The following SCN10A variants were observed in gnomAD, a reference collection of about 807,000 sequenced individuals.
SCN10A encodes the protein sodium channel protein type 10 subunit alpha.
A neutral mutation model predicts 170.7 loss-of-function variants in SCN10A; 162 were observed. The observed-to-expected ratio is 0.95, with a 90% CI of 0.84 to 1.08. The LOEUF (loss-of-function observed/expected upper bound fraction) is 1.08. SCN10A is among the 50% of genes least tolerant of loss of function. The pLI, the probability that SCN10A is intolerant of heterozygous loss-of-function variation, is 0.00. For missense variants in SCN10A, 2,527 were observed against 2,436.9 expected (o/e 1.04, Z -0.78); for synonymous variants, 985 against 904.6 (o/e 1.09, Z -1.59).
At chr3:38,811,503 G>C (rs970232296) in intron 1 of SCN10A, among the ~76,000 whole-genome samples, 9 of 151,068 alleles carry the variant, frequency 6.0e-5, no homozygotes, top group African/African-American at 1.9e-4. Context: ...TAAATTAAAT[G>C]AGTGTAAAAA....
chr3:38,813,368 G>A (rs550510269), intron 1 of SCN10A, among the ~76,000 whole-genome samples: 4 of 152,236 alleles, frequency 2.6e-5, no homozygotes, highest in Admixed American at 1.3e-4. Context: ...CAGCTACATG[G>A]CCTTGAATAA....
rs766280701 is a variant in SCN10A at position 38,726,728 on chromosome 3, C to T, written c.2965G>A (p.Ala989Thr). Residue 989 changes from alanine (A) to threonine (T), a missense_variant, in exon 17 of 28, where the codon GCT (alanine) becomes ACT (threonine). Ala to Thr is a moderately conservative substitution (Grantham distance 58). Transcript: ENST00000449082. ...ACAGAGACCCACACAGTCGGATTAGCGATGAAGTCACTGTGCTCATCCCTG... is the reference window on the plus strand; with the variant it reads ...ACAGAGACCCACACAGTCGGATTAGTGATGAAGTCACTGTGCTCATCCCTG... ...GPRDEHSDFI[A>T]NPTVWVSVPI... 13 of 1,612,858 alleles carry T rather than the reference C, an allele frequency of 8.1e-6. No individual in the cohort carries two copies. Among genetic ancestry groups the T allele is most frequent in the Admixed American group, 5.0e-5 (3 of 59,990 alleles).
intron 4 of SCN10A, among the ~76,000 whole-genome samples, chr3:38,782,438 T>C (rs182562114): frequency 3.9e-5 from 6 of 152,218 alleles, no homozygotes; most frequent in African/African-American, 1.4e-4. Flanking sequence ...TGTTTTGACA[T>C]CATTTGTCCT....
intron 8 of SCN10A, among the ~76,000 whole-genome samples, chr3:38,760,375 T>C (rs1025091718): frequency 7.2e-5 from 11 of 152,210 alleles, no homozygotes; most frequent in Non-Finnish European, 1.5e-4. Flanking sequence ...TGTCTGCATA[T>C]GCATGAATGA....
intron 27 of SCN10A, among the ~76,000 whole-genome samples, chr3:38,699,724 T>G (rs2063137460): frequency 6.6e-6 from 1 of 152,062 alleles, no homozygotes; most frequent in Non-Finnish European, 1.5e-5. Context: ...CATACTCTGG[T>G]AAAATTTTCT....
In SCN10A at chr3:38,728,734, G is replaced by A; in HGVS notation, c.2448C>T (p.Asn816=). 6.2e-7 allele frequency: 1 copy of A among 1,614,172 alleles called. No homozygotes were observed. The highest frequency in any genetic ancestry group is 8.5e-7 in the Non-Finnish European group (1 of 1,180,036). Residue 816 remains asparagine (N), a synonymous_variant, in exon 16 of 28, where the codon AAC becomes AAT. Transcript: ENST00000449082. ...KQLLGENYRN[N]RKNISAPHED... is the part of the protein sequence containing the mutation. Reference sequence around the variant, plus strand: ...CATGGGGCGCGGAGATATTTTTTCGGTTGTTACGGTAGTTTTCCCCTAGGA... The same window carrying A: ...CATGGGGCGCGGAGATATTTTTTCGATTGTTACGGTAGTTTTCCCCTAGGA...
At chr3:38,779,395 TC>T (rs2064112246) in intron 4 of SCN10A, among the ~76,000 whole-genome samples, 1 of 152,060 alleles carries the variant, frequency 6.6e-6, no homozygotes, top group Admixed American at 6.6e-5. Flanking sequence ...ACATGAGACA[TC>T]CTTTAATTCA....
chr3:38,814,401 C>T (rs553054692), intron 1 of SCN10A, among the ~76,000 whole-genome samples: 1 of 152,162 alleles, frequency 6.6e-6, no homozygotes, highest in East Asian at 1.9e-4. Flanking sequence ...TTGGGGCTGA[C>T]ACTCACAAAA....
At chr3:38,753,601 C>A (rs776696997) in intron 11 of SCN10A, among the ~76,000 whole-genome samples, 1 of 152,238 alleles carries the variant, frequency 6.6e-6, no homozygotes, top group Non-Finnish European at 1.5e-5. Flanking sequence ...GCCTGTAATA[C>A]ATGCCCAAGG....
At chr3:38,772,661 T>C (rs553522655) in intron 4 of SCN10A, among the ~76,000 whole-genome samples, 2 of 150,744 alleles carry the variant, frequency 1.3e-5, no homozygotes, top group African/African-American at 2.5e-5. Flanking sequence ...TGCACTCCAG[T>C]CTGGGTGACA....
intron 15 of SCN10A, among the ~76,000 whole-genome samples, chr3:38,737,092 T>A (rs975443006): frequency 1.7e-4 from 24 of 143,752 alleles, no homozygotes; most frequent in Non-Finnish European, 3.5e-4. Flanking sequence ...TGCCTCAGCC[T>A]CCCGAGTAGC....
chr3:38,800,656 T>G (rs528459421), intron 1 of SCN10A, among the ~76,000 whole-genome samples: 2 of 152,252 alleles, frequency 1.3e-5, no homozygotes, highest in South Asian at 2.1e-4. Context: ...GAGGTTTTTT[T>G]GGGGCAGTCC....
intron 15 of SCN10A, among the ~76,000 whole-genome samples, chr3:38,731,327 A>C (rs1254796492): frequency 6.6e-6 from 1 of 152,224 alleles, no homozygotes; most frequent in East Asian, 1.9e-4. Context: ...TTACTAAAAG[A>C]AATTCTAAAG....
At chr3:38,807,284 G>T (rs997156203) in intron 1 of SCN10A, among the ~76,000 whole-genome samples, 1 of 152,094 alleles carries the variant, frequency 6.6e-6, no homozygotes, top group East Asian at 1.9e-4. Context: ...AACTGATTAA[G>T]GTTTTCTAGG....
chr3:38,738,367 G>T (rs2063593244), intron 15 of SCN10A, among the ~76,000 whole-genome samples: 2 of 152,120 alleles, frequency 1.3e-5, no homozygotes, highest in African/African-American at 4.8e-5. Context: ...CTCTTCCATG[G>T]CTGGCTCTAT....
chr3:38,712,117 A>C (rs1559415662), intron 23 of SCN10A, 44 bp downstream of exon 23: 5 of 1,594,126 alleles, frequency 3.1e-6, no homozygotes, highest in Non-Finnish European at 4.3e-6. Flanking sequence ...CATTTTATTG[A>C]GCGGCCAAAG....
chr3:38,716,200 T>TTATA (rs762152102), intron 21 of SCN10A, among the ~76,000 whole-genome samples: 2 of 150,394 alleles, frequency 1.3e-5, no homozygotes, highest in Non-Finnish European at 3.0e-5. Flanking sequence ...TAGTAATCAT[T>TTATA]TATATATATA....
intron 13 of SCN10A, among the ~76,000 whole-genome samples, chr3:38,743,087 T>A (rs2063651638): frequency 6.6e-6 from 1 of 152,230 alleles, no homozygotes; most frequent in African/African-American, 2.4e-5. Context: ...TTCTTCCAGA[T>A]GACTGTTTCT....
intron 24 of SCN10A, among the ~76,000 whole-genome samples, chr3:38,710,202 C>T (rs2063257885): frequency 6.6e-6 from 1 of 152,112 alleles, no homozygotes; most frequent in Non-Finnish European, 1.5e-5. Context: ...CTGTCTCGCC[C>T]AAGCTGGAGT....
Sources: allele counts gnomAD v4.1 joint callset (sites outside exome capture counted in the v4.1 genomes callset), GRCh38; gene constraint gnomAD v4.1.1; transcripts MANE v1.5; gene names NCBI Gene and HGNC (gene_info 2026-07-23, HGNC 2026-07-21).